The following PLXNB3 variants were observed in gnomAD, a reference collection of about 807,000 sequenced individuals.
PLXNB3 encodes the protein plexin-B3.
A neutral mutation model predicts 125.7 loss-of-function variants in PLXNB3; 80 were observed. The observed-to-expected ratio is 0.64, with a 90% confidence interval of 0.53 to 0.77. The LOEUF (loss-of-function observed/expected upper bound fraction) is 0.77, where lower values mean the gene tolerates loss of function less well. Ranked by LOEUF, PLXNB3 falls within the 30% of genes least tolerant of loss-of-function variation. The pLI is 0.00. For missense variants in PLXNB3, 1,836 were observed against 1,729.3 expected (o/e 1.06, Z -1.09); for synonymous variants, 954 against 783.3 (o/e 1.22, Z -3.64).
Position 153,776,844 on chromosome X carries a change from C to T in PLXNB3, c.4834-43C>T, listed in dbSNP as rs781907648. 5.2e-6 allele frequency: 5 copies of T among 953,921 alleles called. No individual in the cohort carries two copies. The South Asian group carries it at 9.4e-5, about 18-fold the overall frequency. The allele number at this position is 953,921 out of a possible 1,213,427, so 78.6% of individuals were successfully genotyped here. A position where few individuals can be genotyped will look rare whatever the true frequency, so the allele number is the denominator to read the frequency against. On this transcript the variant is annotated intron_variant, in intron 28 of 35. Transcript: ENST00000361971. ...GGCAGGATGTGGGCGGTGTAGGCGCCTGGCTAGGGGTCAGCACAGCCTCCG... is the reference window on the plus strand; with the variant it reads ...GGCAGGATGTGGGCGGTGTAGGCGCTTGGCTAGGGGTCAGCACAGCCTCCG...
At chrX:153,776,482 GC>G (rs782592139) in intron 28 of PLXNB3, 23 bp downstream of exon 28, 1 of 622,992 alleles carries the variant, frequency 1.6e-6, no homozygotes, top group Admixed American at 2.8e-5. Context: ...ACGGGGCGAG[GC>G]AGGGCGGGGC....
At chrX:153,772,123 G>GGGTGGAGAAGGTGCGATCGGTAGCAGCT in intron 15 of PLXNB3, 59 bp from the exon 16 acceptor site, 1 of 1,138,430 alleles carries the variant, frequency 8.8e-7, no homozygotes, top group Non-Finnish European at 1.2e-6. Context: ...GTCAGGGGAG[G>GGGTGGAGAAGGTGCGATCGGTAGCAGCT]GGTGGGCTGT....
chrX:153,777,563 G>T lies in PLXNB3; in HGVS notation c.5136G>T (p.Gln1712His), dbSNP rs148745452. Residue 1712 changes from glutamine (Q) to histidine (H), a missense_variant, in exon 31 of 36, where the codon CAG becomes CAT. Physicochemically the swap from Gln to His is conservative, Grantham distance 24 (BLOSUM62 0). Transcript: ENST00000361971. ...TLQKFVDDTF[Q>H]AILSVNRPIP... ...AGAAGTTTGTGGACGACACCTTCCA[G>T]GCCATTCTCAGCGTGAACCGGCCCA... 1 of 1,210,753 alleles carries T rather than the reference G, an allele frequency of 8.3e-7. No individual in the cohort carries two copies. Among genetic ancestry groups the T allele is most frequent in the African/African-American group, 1.7e-5 (1 of 57,561 alleles).
Position 153,766,917 on chromosome X carries a change from CCTG to C in PLXNB3, c.100_102del (p.Leu34del), listed in dbSNP as rs782526971. The stretch of plus-strand genomic sequence containing the variant: ...GGCCTCCCTTCGGCCTCTGCCTCCT[CCTG>C]CTGCTGCTGTCCCCACCGCCACTGC... On this transcript the variant is annotated inframe_deletion, in exon 3 of 36. Coordinates refer to ENST00000361971, the MANE Select transcript of PLXNB3 (RefSeq NM_005393.3). 1 of 1,208,411 alleles carries C rather than the reference CCTG, an allele frequency of 8.3e-7. No homozygotes were observed.
chrX:153,766,193 C>T (rs781848173), intron 2 of PLXNB3: 13 of 1,145,254 alleles, frequency 1.1e-5, no homozygotes, highest in Admixed American at 2.8e-5. Context: ...CTTCCTCGCC[C>T]TGGAGCTGGG....
intron 2 of PLXNB3, 118 bp downstream of exon 2, chrX:153,765,698 C>T (rs917860985): frequency 1.6e-4 from 188 of 1,145,880 alleles, no homozygotes; most frequent in Admixed American, 4.3e-4. Flanking sequence ...CAGACACTGC[C>T]CCAGATAGCC....
At chrX:153,770,071 T>C in intron 7 of PLXNB3, 21 bp from the exon 8 acceptor site, 1 of 1,207,711 alleles carries the variant, frequency 8.3e-7, no homozygotes, top group Non-Finnish European at 1.1e-6. Flanking sequence ...CATCTCCCGG[T>C]TTCTCCCCGC....
Position 153,768,293 on chromosome X carries a change from C to T in PLXNB3, c.1131C>T (p.Ser377=). ...SYPCGDEHTP[S]PIAGRQPLEV... ...CCTGTGGCGACGAGCACACCCCCAG[C>T]CCCATTGCTGGCCGCCAGCCCCTGG... The change falls in exon 4 of 36, where the codon AGC becomes AGT. Residue 377 remains serine (S), a synonymous_variant. Transcript: ENST00000361971. 1 of 1,207,388 alleles carries T rather than the reference C, an allele frequency of 8.3e-7. No individual in the cohort carries two copies. Among genetic ancestry groups the T allele is most frequent in the African/African-American group, 1.7e-5 (1 of 57,975 alleles).
intron 24 of PLXNB3, 39 bp downstream of exon 24, chrX:153,775,142 G>A (rs782039287): frequency 8.6e-7 from 1 of 1,163,982 alleles, no homozygotes; most frequent in African/African-American, 1.8e-5. Flanking sequence ...TGGGCAAGGA[G>A]GTGGGGCTGG....
In PLXNB3 at chrX:153,770,172, G is replaced by C. The variant is rs1557061123; in HGVS notation, c.1710G>C (p.Leu570Phe). The C allele has an allele frequency of 8.3e-7, 1 of 1,211,238 alleles. No homozygotes were observed. The highest frequency in any genetic ancestry group is 1.1e-6 in the Non-Finnish European group (1 of 895,416). The change falls in exon 8 of 36, where the codon TTG becomes TTC. Residue 570 changes from leucine (L) to phenylalanine (F), a missense_variant. Leu to Phe is a conservative substitution (Grantham distance 22, BLOSUM62 0). Coordinates refer to ENST00000361971, the MANE Select transcript of PLXNB3 (RefSeq NM_005393.3). ...FHCAFGDYDS[L>F]AHVEGPHVAC... is the part of the protein sequence containing the mutation. ...GTGCGTTCGGGGACTATGACAGCTT[G>C]GCTCATGTGGAAGGGCCCCACGTGG...
rs868988904 is a variant in PLXNB3, at chrX:153,767,888, C to T, written c.1061C>T (p.Thr354Met). The T allele has an allele frequency of 2.1e-5, 23 of 1,100,866 alleles. No individual in the cohort carries two copies. Among genetic ancestry groups the T allele is most frequent in the Admixed American group, 3.3e-5 (1 of 30,325 alleles). 90.7% of individuals were successfully genotyped at this position (1,100,866 alleles called of 1,213,427 possible). Residue 354 changes from threonine (T) to methionine (M), a missense_variant, in exon 3 of 36, where the codon ACG becomes ATG. By Grantham distance (81) the Thr-to-Met change is moderately conservative. Coordinates refer to ENST00000361971, the MANE Select transcript of PLXNB3 (RefSeq NM_005393.3). Reference protein sequence around the residue: ...AEEATVEYGVTSRCVTLPLDS... With the variant: ...AEEATVEYGVMSRCVTLPLDS... ...GAAGCCACCGTGGAGTACGGCGTCA[C>T]GTCGCGCTGCGTCACCCTGCCCCTT...
At position 153,774,772 on chromosome X, in the gene PLXNB3, C is replaced by T. The variant is rs137976092; in HGVS notation, c.3897C>T (p.Thr1299=). 15 of 1,202,476 alleles carry T rather than the reference C, an allele frequency of 1.2e-5. No individual in the cohort carries two copies. Among genetic ancestry groups the T allele is most frequent in the South Asian group, 3.6e-5 (2 of 55,566 alleles). The stretch of plus-strand genomic sequence containing the variant: ...TAGTGCAGCTGGAGAGCCTGGAGAC[C>T]GGCGTGGGAGACCAGTGCCGCAAGG... The part of the protein sequence containing the change: ...KVLVQLESLE[T]GVGDQCRKEF... The change falls in exon 23 of 36, where the codon ACC becomes ACT. Residue 1299 remains threonine (T), a synonymous_variant. Transcript: ENST00000361971.
At chrX:153,766,298 C>T in intron 2 of PLXNB3, 1 of 1,164,033 alleles carries the variant, frequency 8.6e-7, no homozygotes. Context: ...GAGGGTTCCT[C>T]CTTGCAGCCG....
At chrX:153,777,743 G>A in intron 31 of PLXNB3, 55 bp downstream of exon 31, 3 of 1,163,549 alleles carry the variant, frequency 2.6e-6, no homozygotes, top group East Asian at 3.0e-5. Context: ...GAGTCCCAGA[G>A]AGACCAGGAC....
At chrX:153,768,060 C>T in intron 3 of PLXNB3, 147 bp downstream of exon 3, 1 of 772,962 alleles carries the variant, frequency 1.3e-6, no homozygotes, top group Non-Finnish European at 1.8e-6. Context: ...GCTCTCCACC[C>T]ATTTCTTTCC....
chrX:153,772,857 G>A lies in PLXNB3; in HGVS notation c.2776-29G>A, dbSNP rs376954890. On this transcript the variant is annotated intron_variant, in intron 16 of 35. Coordinates refer to ENST00000361971, the MANE Select transcript of PLXNB3 (RefSeq NM_005393.3). ...GGTGAAAGGGCCAGGCTGGGCTGCC[G>A]TGCCTACCCAGCCTGCGCTGTTCGC... 124 of 1,081,854 alleles carry A rather than the reference G, an allele frequency of 1.1e-4. No individual in the cohort carries two copies. In the African/African-American group the frequency reaches 2.1e-3, roughly 18 times the overall value. The allele number at this position is 1,081,854 out of a possible 1,213,427, so 89.2% of individuals were successfully genotyped here.
rs782237161 is a variant in PLXNB3 at position 153,776,268 on chromosome X, G to A, written c.4729+54G>A. On this transcript the variant is annotated intron_variant, in intron 27 of 35. Coordinates refer to ENST00000361971, the MANE Select transcript of PLXNB3 (RefSeq NM_005393.3). ...CCAGGGACCCTTCCCTACCCCTCCG[G>A]CACCTGGAGCCCCTCAACTGTGTCT... is the stretch of plus-strand genomic sequence containing the variant. 4.0e-4 allele frequency: 396 copies of A among 983,526 alleles called. 1 individual carries two copies. In the African/African-American group the frequency reaches 6.4e-3, roughly 16 times the overall value. The allele number at this position is 983,526 out of a possible 1,213,427, so 81.1% of individuals were successfully genotyped here.
chrX:153,777,004 G>C, intron 29 of PLXNB3, 24 bp downstream of exon 29: 1 of 1,092,347 alleles, frequency 9.2e-7, no homozygotes, highest in East Asian at 3.2e-5. Flanking sequence ...CCCTGACCTG[G>C]GGCCACTGGA....
intron 26 of PLXNB3, 30 bp downstream of exon 26, chrX:153,775,690 C>T (rs372176175): frequency 1.8e-4 from 215 of 1,178,939 alleles, no homozygotes; most frequent in Middle Eastern, 1.2e-3. Flanking sequence ...CTGCTCCCAG[C>T]CCTGAGTGGC....
Sources: allele counts gnomAD v4.1 joint callset, GRCh38; gene constraint gnomAD v4.1.1; transcripts MANE v1.5; gene names NCBI Gene and HGNC (gene_info 2026-07-23, HGNC 2026-07-21).